The following SEMA3C variants were observed in gnomAD, a reference collection of about 807,000 sequenced individuals.
SEMA3C encodes semaphorin 3C.
A neutral mutation model predicts 89.4 loss-of-function variants in SEMA3C; 47 were observed. The ratio of observed to expected loss-of-function variants is 0.53; its 90% CI spans 0.42 to 0.67. SEMA3C has a LOEUF of 0.67. SEMA3C is among the 30% of genes least tolerant of loss of function. The probability of loss-of-function intolerance (pLI) is 0.00; values close to 1 mark genes in which losing one functional copy is unlikely to be tolerated. For missense variants in SEMA3C, 839 were observed against 929.1 expected, an observed-to-expected ratio of 0.90 and a Z score of 1.26; for synonymous variants, 310 against 320.2, an observed-to-expected ratio of 0.97 and a Z score of 0.34.
At chr7:80,861,071 C>G in intron 2 of SEMA3C, among the ~76,000 whole-genome samples, 1 of 152,032 alleles carries the variant, frequency 6.6e-6, no homozygotes, top group Middle Eastern at 3.4e-3. Flanking sequence ...GAGAACATAC[C>G]AATATGAACA....
intron 4 of SEMA3C, among the ~76,000 whole-genome samples, chr7:80,822,209 T>C (rs1583911169): frequency 6.6e-6 from 1 of 152,148 alleles, no homozygotes; most frequent in East Asian, 1.9e-4. Flanking sequence ...CAGGCTGTGG[T>C]AGATACTGCA....
chr7:80,808,739 G>A (rs982096630), intron 6 of SEMA3C, among the ~76,000 whole-genome samples: 3 of 151,996 alleles, frequency 2.0e-5, no homozygotes, highest in South Asian at 2.1e-4. Context: ...TCTACTATAC[G>A]TATGACATAC....
At chr7:80,769,010 C>T (rs1788368619) in intron 12 of SEMA3C, among the ~76,000 whole-genome samples, 1 of 152,142 alleles carries the variant, frequency 6.6e-6, no homozygotes, top group African/African-American at 2.4e-5. Flanking sequence ...CACTACCATT[C>T]TATGTGACAG....
chr7:80,803,723 AC>A (rs1221547902), intron 8 of SEMA3C, among the ~76,000 whole-genome samples: 9 of 152,118 alleles, frequency 5.9e-5, no homozygotes, highest in African/African-American at 1.9e-4. Flanking sequence ...TTTATTGACA[AC>A]AATCAGTTTC....
chr7:80,818,712 T>A (rs1789672864), intron 4 of SEMA3C, among the ~76,000 whole-genome samples: 1 of 152,208 alleles, frequency 6.6e-6, no homozygotes, highest in South Asian at 2.1e-4. Context: ...TTTACGAATT[T>A]GTGCTGGGCC....
chr7:80,810,602 T>C lies in SEMA3C; in HGVS notation c.538+9A>G, dbSNP rs759769820. 1.9e-6 allele frequency: 3 copies of C among 1,609,856 alleles called. No individual in the cohort carries two copies. Among genetic ancestry groups the C allele is most frequent in the Non-Finnish European group, 2.5e-6 (3 of 1,176,670 alleles). On this transcript the variant is annotated intron_variant, in intron 6 of 17. Transcript: ENST00000265361. ...ATGTTTAATCCTCCCTCTTTCGTTG[T>C]CTACTTACTGATCATAACAGACACC...
At chr7:80,855,912 T>C (rs1384330841) in intron 2 of SEMA3C, among the ~76,000 whole-genome samples, 1 of 152,162 alleles carries the variant, frequency 6.6e-6, no homozygotes, top group African/African-American at 2.4e-5. Context: ...TCATTCATGT[T>C]ACGTTTTAAC....
intron 1 of SEMA3C, among the ~76,000 whole-genome samples, chr7:80,917,906 T>C (rs1792315290): frequency 6.6e-6 from 1 of 152,236 alleles, no homozygotes; most frequent in Non-Finnish European, 1.5e-5. Context: ...ACAGCTTCAT[T>C]AATACAGAAT....
intron 2 of SEMA3C, among the ~76,000 whole-genome samples, chr7:80,880,126 TG>T (rs139142402): frequency 0.027 from 4,167 of 152,226 alleles, 141 homozygotes; most frequent in African/African-American, 0.081. Context: ...GATATCCCCT[TG>T]GTTAAGTCCC....
chr7:80,748,885 C>A lies in SEMA3C; in HGVS notation c.1842+13G>T. 2 of 1,604,854 alleles carry A rather than the reference C, an allele frequency of 1.2e-6. No individual in the cohort carries two copies. Among genetic ancestry groups the A allele is most frequent in the Non-Finnish European group, 1.7e-6 (2 of 1,176,352 alleles). On this transcript the variant is annotated intron_variant, in intron 17 of 17. Transcript: ENST00000265361. ...GAAGCCCTGATGGATTGCTGCTGTG[C>A]TGCTTTACTCACCTCTTTCCTCCTG... is the stretch of plus-strand genomic sequence containing the variant.
At chr7:80,876,621 C>T (rs1791209807) in intron 2 of SEMA3C, among the ~76,000 whole-genome samples, 1 of 152,102 alleles carries the variant, frequency 6.6e-6, no homozygotes, top group Non-Finnish European at 1.5e-5. Context: ...AGAATGTTAC[C>T]AAATTATTTA....
At chr7:80,861,048 A>C (rs183560033) in intron 2 of SEMA3C, among the ~76,000 whole-genome samples, 95 of 152,296 alleles carry the variant, frequency 6.2e-4, no homozygotes, top group African/African-American at 2.2e-3. Flanking sequence ...CAGTTGATCA[A>C]ACATGAGAAA....
intron 2 of SEMA3C, among the ~76,000 whole-genome samples, chr7:80,892,096 T>A (rs1297975992): frequency 6.6e-6 from 1 of 152,118 alleles, no homozygotes; most frequent in Admixed American, 6.6e-5. Flanking sequence ...CATTCAGAGA[T>A]ACAGCTTTGC....
chr7:80,748,832 T>G (rs1405743), intron 17 of SEMA3C, 66 bp downstream of exon 17: 2 of 1,480,336 alleles, frequency 1.4e-6, no homozygotes, highest in Non-Finnish European at 1.8e-6. Context: ...TGAGCCTCGC[T>G]GAGGGACAGT....
At chr7:80,785,550 G>A (rs1788781732) in intron 12 of SEMA3C, among the ~76,000 whole-genome samples, 1 of 152,120 alleles carries the variant, frequency 6.6e-6, no homozygotes, top group Non-Finnish European at 1.5e-5. Context: ...GAAATCCTGG[G>A]ACAATGACCT....
intron 2 of SEMA3C, among the ~76,000 whole-genome samples, chr7:80,880,258 T>C (rs1791301933): frequency 6.6e-6 from 1 of 152,208 alleles, no homozygotes; most frequent in Non-Finnish European, 1.5e-5. Context: ...CTACTCTGTG[T>C]TTTCTTGTCC....
At chr7:80,883,154 C>T (rs986227572) in intron 2 of SEMA3C, among the ~76,000 whole-genome samples, 29 of 152,104 alleles carry the variant, frequency 1.9e-4, no homozygotes, top group Non-Finnish European at 2.2e-4. Flanking sequence ...ACAAGCTATC[C>T]TATATGTGCT....
chr7:80,778,874 C>T (rs1562871470), intron 12 of SEMA3C, among the ~76,000 whole-genome samples: 1 of 152,162 alleles, frequency 6.6e-6, no homozygotes, highest in Non-Finnish European at 1.5e-5. Flanking sequence ...TTTTATTCTC[C>T]TGTTACTTGT....
At chr7:80,829,811 T>TA (rs1789968731) in intron 2 of SEMA3C, among the ~76,000 whole-genome samples, 2 of 152,162 alleles carry the variant, frequency 1.3e-5, no homozygotes, top group Non-Finnish European at 2.9e-5. Flanking sequence ...AACTTTAGAC[T>TA]TTTCTATTCA....
Sources: gnomAD v4.1 joint callset for allele counts (sites outside exome capture counted in the v4.1 genomes callset) on GRCh38, gnomAD v4.1.1 for gene constraint, MANE v1.5 for transcripts, NCBI Gene and HGNC (gene_info 2026-07-23, HGNC 2026-07-21) for gene names.